DTNBP1: variants seen among roughly 807,000 people sequenced by gnomAD.
DTNBP1 encodes dystrobrevin binding protein 1, also known as dysbindin.
Under a neutral mutation model 42.8 loss-of-function variants are expected in DTNBP1, and 35 were observed. The observed-to-expected ratio is 0.82, with a 90% CI of 0.63 to 1.09. The LOEUF is 1.09. Ranked by LOEUF, DTNBP1 falls within the 50% of genes least tolerant of loss-of-function variation. The pLI is 0.00. For synonymous variants in DTNBP1, 171 were observed against 162.2 expected (o/e 1.05, Z -0.41); for missense variants, 457 against 424.2 (o/e 1.08, Z -0.68).
At chr6:15,644,997 T>A (rs1158062542) in intron 3 of DTNBP1, among the ~76,000 whole-genome samples, 1 of 151,528 alleles carries the variant, frequency 6.6e-6, no homozygotes, top group Non-Finnish European at 1.5e-5. Context: ...AAAAGTTAGA[T>A]ATTTGAAAAG....
At chr6:15,652,065 T>TA in intron 2 of DTNBP1, 22 bp downstream of exon 2, 1 of 1,610,040 alleles carries the variant, frequency 6.2e-7, no homozygotes, top group South Asian at 1.1e-5. Flanking sequence ...ACAGTTAAGT[T>TA]AAAATCTTAG....
chr6:15,624,730 AT>A (rs928660308), intron 5 of DTNBP1, among the ~76,000 whole-genome samples: 16 of 151,832 alleles, frequency 1.1e-4, no homozygotes, highest in Non-Finnish European at 1.5e-5. Context: ...GTTTGTTTTT[AT>A]TTTTTATTAT....
At chr6:15,606,395 AAAG>A (rs1758054904) in intron 6 of DTNBP1, among the ~76,000 whole-genome samples, 1 of 152,212 alleles carries the variant, frequency 6.6e-6, no homozygotes, top group African/African-American at 2.4e-5. Flanking sequence ...TAACATCAAA[AAAG>A]AAGACACATT....
chr6:15,662,121 A>G (rs1039268085), intron 1 of DTNBP1, among the ~76,000 whole-genome samples: 2 of 152,260 alleles, frequency 1.3e-5, no homozygotes, highest in South Asian at 4.1e-4. Context: ...GAACTCTGAA[A>G]GGTTCCCAGG....
chr6:15,580,480 C>T (rs1775780367), intron 7 of DTNBP1, among the ~76,000 whole-genome samples: 3 of 152,116 alleles, frequency 2.0e-5, no homozygotes, highest in Non-Finnish European at 2.9e-5. Context: ...ACAAGTTATG[C>T]TTAGCATAAA....
chr6:15,537,479 T>C (rs1278853533), intron 7 of DTNBP1, among the ~76,000 whole-genome samples: 1 of 151,678 alleles, frequency 6.6e-6, no homozygotes, highest in Non-Finnish European at 1.5e-5. Flanking sequence ...GAGTTAAGAC[T>C]TTGGGAGACT....
chr6:15,605,552 A>C (rs1463004117), intron 6 of DTNBP1, among the ~76,000 whole-genome samples: 1 of 152,090 alleles, frequency 6.6e-6, no homozygotes, highest in East Asian at 1.9e-4. Context: ...TTATTGTCTG[A>C]AATTATTCTT....
intron 6 of DTNBP1, among the ~76,000 whole-genome samples, chr6:15,609,001 A>C (rs938945578): frequency 6.6e-6 from 1 of 152,084 alleles, no homozygotes; most frequent in Non-Finnish European, 1.5e-5. Context: ...TTCCTCAATA[A>C]ATTTGTCTCT....
At position 15,610,741 on chromosome 6, in the gene DTNBP1, C is replaced by G. The variant is rs576455962; in HGVS notation, c.488+4526G>C. 2.3e-4 allele frequency among the ~76,000 whole-genome samples: 35 copies of G among 152,336 alleles called. No homozygotes were observed. The South Asian group carries it at 7.3e-3, about 32-fold the overall frequency. ...GGACAGAAGATTAAACCAGCCACAACATTCCCTTCCTTAAGTTAAAACCTA... is the reference window on the plus strand; with the variant it reads ...GGACAGAAGATTAAACCAGCCACAAGATTCCCTTCCTTAAGTTAAAACCTA... On this transcript the variant is annotated intron_variant, in intron 6 of 9. Transcript: ENST00000344537.
chr6:15,633,804 C>T (rs1289800023), intron 4 of DTNBP1, among the ~76,000 whole-genome samples: 1 of 151,616 alleles, frequency 6.6e-6, no homozygotes, highest in East Asian at 1.9e-4. Flanking sequence ...TAAAAAAAAA[C>T]AAACAAAACT....
At chr6:15,569,153 G>A (rs1306567123) in intron 7 of DTNBP1, among the ~76,000 whole-genome samples, 1 of 152,132 alleles carries the variant, frequency 6.6e-6, no homozygotes. Flanking sequence ...ACTAGACACT[G>A]ACCATCTGCC....
intron 7 of DTNBP1, among the ~76,000 whole-genome samples, chr6:15,584,186 G>A (rs1231816497): frequency 1.3e-5 from 2 of 152,028 alleles, no homozygotes; most frequent in Admixed American, 6.6e-5. Flanking sequence ...AGAAAAAGAT[G>A]AGCAGACACC....
At chr6:15,653,164 T>G (rs887666423) in intron 1 of DTNBP1, among the ~76,000 whole-genome samples, 1 of 152,238 alleles carries the variant, frequency 6.6e-6, no homozygotes, top group Non-Finnish European at 1.5e-5. Context: ...AAAAGCTTTT[T>G]AAAATATATT....
intron 9 of DTNBP1, chr6:15,523,498 G>A: frequency 1.6e-6 from 2 of 1,281,584 alleles, no homozygotes; most frequent in Non-Finnish European, 1.0e-6. Context: ...GTGTAATAGA[G>A]GCCCAAAGGC....
At chr6:15,592,321 G>A (rs1776332273) in intron 7 of DTNBP1, among the ~76,000 whole-genome samples, 1 of 152,192 alleles carries the variant, frequency 6.6e-6, no homozygotes. Flanking sequence ...CTCAGTTATT[G>A]AAATGAATCT....
At chr6:15,560,385 G>A (rs1385834554) in intron 7 of DTNBP1, among the ~76,000 whole-genome samples, 1 of 152,008 alleles carries the variant, frequency 6.6e-6, no homozygotes, top group Non-Finnish European at 1.5e-5. Context: ...GCACCAATTG[G>A]GTAAAGTGTA....
intron 7 of DTNBP1, among the ~76,000 whole-genome samples, chr6:15,578,539 A>G (rs1775680948): frequency 6.6e-6 from 1 of 152,226 alleles, no homozygotes; most frequent in African/African-American, 2.4e-5. Flanking sequence ...ACAGAGGGAG[A>G]GAAAAGTAAG....
chr6:15,655,944 A>G (rs1416954931), intron 1 of DTNBP1, among the ~76,000 whole-genome samples: 2 of 152,240 alleles, frequency 1.3e-5, no homozygotes, highest in Non-Finnish European at 2.9e-5. Flanking sequence ...ATGTCCTACA[A>G]TATCATGACA....
At chr6:15,537,545 C>G (rs1773314771) in intron 7 of DTNBP1, among the ~76,000 whole-genome samples, 2 of 152,062 alleles carry the variant, frequency 1.3e-5, no homozygotes, top group Non-Finnish European at 2.9e-5. Context: ...TGGGAGGGGC[C>G]TGGGGCAGAA....
Sources: allele counts gnomAD v4.1 joint callset (sites outside exome capture counted in the v4.1 genomes callset), GRCh38; gene constraint gnomAD v4.1.1; transcripts MANE v1.5; gene names NCBI Gene and HGNC (gene_info 2026-07-23, HGNC 2026-07-21).